The following MAP2K3 variants were observed in gnomAD, a reference collection of about 807,000 sequenced individuals.
MAP2K3 encodes dual specificity mitogen-activated protein kinase kinase 3.
In MAP2K3, 30 loss-of-function variants were observed where a neutral mutation model predicts 46.4. That is an observed-to-expected ratio of 0.65 (90% CI 0.48 to 0.88). The LOEUF (loss-of-function observed/expected upper bound fraction) is 0.88, where lower values mean the gene tolerates loss of function less well. Among genes scored for constraint, MAP2K3 ranks in the 40% least tolerant of loss-of-function variants. MAP2K3 has a pLI of 0.00. For missense variants in MAP2K3, 380 were observed against 464.5 expected, an observed-to-expected ratio of 0.82 and a Z score of 1.67; for synonymous variants, 189 against 176.3, an observed-to-expected ratio of 1.07 and a Z score of -0.57.
intron 9 of MAP2K3, among the ~76,000 whole-genome samples, chr17:21,311,387 C>T (rs866837828): frequency 1.3e-5 from 2 of 151,996 alleles, no homozygotes; most frequent in African/African-American, 4.8e-5. Context: ...ATGATGACTT[C>T]CTGCCAACCA....
rs751837128 is a variant in MAP2K3 at position 21,312,176 on chromosome 17, C to G, written c.809C>G (p.Ser270Cys). The change falls in exon 10 of 12, where the codon TCC becomes TGC. Residue 270 changes from serine (S) to cysteine (C), a missense_variant. Transcript: ENST00000342679. ...EMAILRFPYE[S>C]WGTPFQQLKQ... ...GCCATCCTGCGGTTCCCTTACGAGT[C>G]CTGGGGGACCCCGTTCCAGCAGCTG... is the stretch of plus-strand genomic sequence containing the variant. 6.3e-7 allele frequency: 1 copy of G among 1,588,474 alleles called. No individual in the cohort carries two copies. Among genetic ancestry groups the G allele is most frequent in the Non-Finnish European group, 8.5e-7 (1 of 1,170,412 alleles).
intron 1 of MAP2K3, chr17:21,296,197 A>C (rs1409037529): frequency 7.8e-7 from 1 of 1,288,966 alleles, no homozygotes; most frequent in African/African-American, 1.5e-5. Context: ...GTCCTGCAGC[A>C]CTGTGCGGGG....
At position 21,293,496 on chromosome 17, in the gene MAP2K3, C is replaced by T. The variant is rs77382887; in HGVS notation, c.50-4917C>T. 6.6e-5 allele frequency among the ~76,000 whole-genome samples: 10 copies of T among 152,428 alleles called. No individual in the cohort carries two copies. In the South Asian group the frequency reaches 1.0e-3, roughly 16 times the overall value. ...GCAGCTGAGCATCTGGCCTCCCCAC[C>T]GGATGTTAGGGGTGCTCCCGAGCCA... On this transcript the variant is annotated intron_variant, in intron 1 of 11. Coordinates refer to ENST00000342679, the MANE Select transcript of MAP2K3 (RefSeq NM_145109.3).
At chr17:21,285,192 C>T (rs1975691622) in intron 1 of MAP2K3, 1 of 971,308 alleles carries the variant, frequency 1.0e-6, no homozygotes, top group Admixed American at 6.2e-5. Context: ...CCCGAGATCA[C>T]CCAGGCTGGA....
intron 1 of MAP2K3, among the ~76,000 whole-genome samples, chr17:21,287,086 T>G (rs1975743673): frequency 6.6e-6 from 1 of 152,248 alleles, no homozygotes; most frequent in Non-Finnish European, 1.5e-5. Flanking sequence ...TAGGACTGTG[T>G]TTCCACAGTG....
At chr17:21,300,026 C>T (rs12451239) in intron 3 of MAP2K3, among the ~76,000 whole-genome samples, 53 of 152,098 alleles carry the variant, frequency 3.5e-4, no homozygotes, top group South Asian at 1.7e-3. Context: ...TGACGATACT[C>T]CCTCCAGGCT....
chr17:21,293,346 G>A (rs1190721416), intron 1 of MAP2K3, among the ~76,000 whole-genome samples: 7 of 152,304 alleles, frequency 4.6e-5, no homozygotes, highest in African/African-American at 1.7e-4. Flanking sequence ...CCGTGCCTCT[G>A]GCCCTTCCCT....
chr17:21,290,877 G>A (rs866141948), intron 1 of MAP2K3, among the ~76,000 whole-genome samples: 2 of 152,286 alleles, frequency 1.3e-5, no homozygotes, highest in African/African-American at 2.4e-5. Flanking sequence ...TTTGTGCCTG[G>A]GAGGTTGAGG....
At chr17:21,313,585 G>A (rs766319777) in intron 11 of MAP2K3, 48 bp downstream of exon 11, 4 of 1,436,264 alleles carry the variant, frequency 2.8e-6, no homozygotes, top group Non-Finnish European at 3.9e-6. Flanking sequence ...GGCTGGCTGG[G>A]GCTGGGTGGG....
intron 9 of MAP2K3, among the ~76,000 whole-genome samples, chr17:21,309,508 G>A (rs11650053): frequency 0.15 from 23,106 of 150,564 alleles, 1,362 homozygotes; most frequent in East Asian, 0.29. Context: ...CTCTTACCCC[G>A]TTTCAGTGCC....
In MAP2K3 at chr17:21,312,135, G is replaced by C; in HGVS notation, c.775-7G>C. On this transcript the variant is annotated splice_region_variant and splice_polypyrimidine_tract_variant and intron_variant, in intron 9 of 11. Coordinates refer to ENST00000342679, the MANE Select transcript of MAP2K3 (RefSeq NM_145109.3). ...CCGGGGCCTCTGACCCCCTGTCCCCGCTGCAGATTGAGATGGCCATCCTGC... is the reference window on the plus strand; with the variant it reads ...CCGGGGCCTCTGACCCCCTGTCCCCCCTGCAGATTGAGATGGCCATCCTGC... 6.5e-7 allele frequency: 1 copy of C among 1,537,354 alleles called. No homozygotes were observed. The highest frequency in any genetic ancestry group is 8.7e-7 in the Non-Finnish European group (1 of 1,145,044).
intron 5 of MAP2K3, among the ~76,000 whole-genome samples, chr17:21,301,619 C>T (rs572746381): frequency 6.6e-6 from 1 of 152,406 alleles, no homozygotes; most frequent in Admixed American, 6.5e-5. Flanking sequence ...TCATGAAGAG[C>T]TCAGCATCCT....
chr17:21,300,152 C>G (rs1233898605), intron 3 of MAP2K3, among the ~76,000 whole-genome samples: 13 of 152,424 alleles, frequency 8.5e-5, no homozygotes, highest in African/African-American at 3.1e-4. Flanking sequence ...GTTTTGTTGT[C>G]ACTGTGTCCC....
intron 9 of MAP2K3, chr17:21,311,822 A>G (rs1241959312): frequency 9.1e-6 from 2 of 219,910 alleles, no homozygotes; most frequent in Non-Finnish European, 1.8e-5. Flanking sequence ...AGATTTTTCC[A>G]GAGCAGCTGG....
At chr17:21,298,055 G>A (rs1262870780) in intron 1 of MAP2K3, among the ~76,000 whole-genome samples, 4 of 152,310 alleles carry the variant, frequency 2.6e-5, no homozygotes, top group Non-Finnish European at 5.9e-5. Context: ...GACCCCCGCT[G>A]GGCCCCTTCT....
Position 21,298,301 on chromosome 17 carries a change from G to C in MAP2K3, c.50-112G>C, listed in dbSNP as rs780718629. On this transcript the variant is annotated intron_variant, in intron 1 of 11. Coordinates refer to ENST00000342679, the MANE Select transcript of MAP2K3 (RefSeq NM_145109.3). ...TTGGAGAGAGGGGGCTCCCGGCATG[G>C]GTGATGGCAGAGGCTGGCACCCTTG... 3 of 1,477,496 alleles carry C rather than the reference G, an allele frequency of 2.0e-6. No individual in the cohort carries two copies. In the South Asian group the frequency reaches 3.4e-5, roughly 17 times the overall value. 91.5% of individuals were successfully genotyped at this position (1,477,496 alleles called of 1,614,324 possible).
At chr17:21,300,774 C>T (rs1413096734) in intron 4 of MAP2K3, 100 bp from the exon 5 acceptor site, 12 of 1,608,330 alleles carry the variant, frequency 7.5e-6, no homozygotes, top group African/African-American at 1.3e-5. Flanking sequence ...CTTTTTGGGG[C>T]ACACTGGGCA....
rs201886317 is a variant in MAP2K3 at position 21,303,256 on chromosome 17, A to G, written c.568+22A>G. On this transcript the variant is annotated intron_variant, in intron 7 of 11. Transcript: ENST00000342679. ...AGAGGTCAGTGCCCGGCAGCCACCC[A>G]GGCACGGTGTAGCCAGTGGGAGGGA... The G allele has an allele frequency of 1.6e-3, 2,629 of 1,612,074 alleles. No homozygotes were observed. The African/African-American group carries it at 0.029, about 18-fold the overall frequency.
At chr17:21,295,231 G>C (rs1976172434) in intron 1 of MAP2K3, among the ~76,000 whole-genome samples, 1 of 152,308 alleles carries the variant, frequency 6.6e-6, no homozygotes, top group Non-Finnish European at 1.5e-5. Context: ...GTGAGTGGGA[G>C]GAGATAGGGC....
Sources: allele counts gnomAD v4.1 joint callset (sites outside exome capture counted in the v4.1 genomes callset), GRCh38; gene constraint gnomAD v4.1.1; transcripts MANE v1.5; gene names NCBI Gene and HGNC (gene_info 2026-07-23, HGNC 2026-07-21).